Variants in FBXO10 observed in about 807,000 individuals in gnomAD.
The protein encoded by FBXO10 is F-box protein 10, also known as F-box only protein 10.
Under a neutral mutation model 80.7 loss-of-function variants are expected in FBXO10, and 39 were observed. That is an observed-to-expected ratio of 0.48 (90% CI 0.37 to 0.63). The LOEUF (loss-of-function observed/expected upper bound fraction) is 0.63. Ranked by LOEUF, FBXO10 falls within the 30% of genes least tolerant of loss-of-function variation. The pLI is 0.00. For synonymous variants in FBXO10, 449 were observed against 489.6 expected, an observed-to-expected ratio of 0.92 and a Z score of 1.09; for missense variants, 1,025 against 1,269.0, an observed-to-expected ratio of 0.81 and a Z score of 2.92.
chr9:37,567,468 T>A (rs1822638686), intron 1 of FBXO10, among the ~76,000 whole-genome samples: 1 of 152,088 alleles, frequency 6.6e-6, no homozygotes, highest in African/African-American at 2.4e-5. Flanking sequence ...TAATGAGCAC[T>A]TATAACAACC....
At position 37,518,426 on chromosome 9, in the gene FBXO10, T is replaced by TA. The variant is rs1338380390; in HGVS notation, c.2212dup (p.Tyr738LeufsTer50). Reference sequence around the variant, plus strand: ...ATGCAGTGCCTCGCTGCTCTGGACATAGAGTCCTGAGGCTATGGGTGGAAG... The same window carrying TA: ...ATGCAGTGCCTCGCTGCTCTGGACATAAGAGTCCTGAGGCTATGGGTGGAAG... On this transcript the variant is annotated frameshift_variant, in exon 9 of 11. Coordinates refer to ENST00000432825, the MANE Select transcript of FBXO10 (RefSeq NM_012166.3). LOFTEE classifies it high-confidence loss of function. 2.5e-6 allele frequency: 4 copies of TA among 1,599,118 alleles called. No individual in the cohort carries two copies. The highest frequency in any genetic ancestry group is 1.7e-4 in the Middle Eastern group (1 of 5,996).
intron 1 of FBXO10, among the ~76,000 whole-genome samples, chr9:37,552,300 G>T (rs908670011): frequency 1.3e-5 from 2 of 152,136 alleles, no homozygotes; most frequent in Admixed American, 1.3e-4. Context: ...ATTTGTTATA[G>T]CAACACCCCA....
At chr9:37,519,815 T>G (rs1821281184) in intron 8 of FBXO10, among the ~76,000 whole-genome samples, 1 of 152,094 alleles carries the variant, frequency 6.6e-6, no homozygotes, top group Admixed American at 6.5e-5. Context: ...CAGGAATCTC[T>G]TTTAATTTTA....
chr9:37,521,356 A>G lies in FBXO10; in HGVS notation c.2200+213T>C, dbSNP rs527247560. ...TCCCTGGCCCCCACACTGTCTGGGA[A>G]GTGAGGAGCGCCTCTGCCTGGCCGC... On this transcript the variant is annotated intron_variant, in intron 8 of 10. Transcript: ENST00000432825. 4.6e-5 allele frequency among the ~76,000 whole-genome samples: 7 copies of G among 152,328 alleles called. No individual in the cohort carries two copies. The East Asian group carries it at 1.4e-3, about 29-fold the overall frequency.
chr9:37,566,458 GGA>G (rs371426837), intron 1 of FBXO10, among the ~76,000 whole-genome samples: 2,743 of 37,902 alleles, frequency 0.072, 58 homozygotes, highest in Middle Eastern at 0.18. Flanking sequence ...ACTCTGTCTC[GGA>G]AAAAAAAAAA....
Position 37,511,255 on chromosome 9 carries a change from G to A in FBXO10, c.*1292C>T, listed in dbSNP as rs1821047155. The stretch of plus-strand genomic sequence containing the variant: ...GGGAGGGGATTGTTCAGGTTGAGCT[G>A]GCCCTGCATCCAGCCCTCTTCCTCA... On this transcript the variant is annotated 3_prime_UTR_variant, in exon 11 of 11. Coordinates refer to ENST00000432825, the MANE Select transcript of FBXO10 (RefSeq NM_012166.3). 1 of 152,856 alleles carries A rather than the reference G, an allele frequency of 6.5e-6. No individual in the cohort carries two copies. Among genetic ancestry groups the A allele is most frequent in the African/African-American group, 2.4e-5 (1 of 41,432 alleles). The allele number at this position is 152,856 out of a possible 1,614,324, so 9.5% of individuals were successfully genotyped here.
chr9:37,547,833 C>T (rs2119146813), intron 1 of FBXO10, among the ~76,000 whole-genome samples: 1 of 152,234 alleles, frequency 6.6e-6, no homozygotes, highest in Admixed American at 6.5e-5. Flanking sequence ...TGGTGTGCAC[C>T]TGTAGTCCAA....
At chr9:37,525,775 G>A (rs1821455426) in intron 5 of FBXO10, among the ~76,000 whole-genome samples, 4 of 152,120 alleles carry the variant, frequency 2.6e-5, no homozygotes, top group Admixed American at 2.6e-4. Flanking sequence ...CTGGCCTCAA[G>A]TGACCCATCC....
At chr9:37,564,549 T>G (rs4878700) in intron 1 of FBXO10, among the ~76,000 whole-genome samples, 8,912 of 152,172 alleles carry the variant, frequency 0.059, 334 homozygotes, top group South Asian at 0.17. Flanking sequence ...GCCACAGGGG[T>G]GGAGCTGCCC....
At position 37,516,067 on chromosome 9, in the gene FBXO10, G is replaced by A. The variant is rs1234420642; in HGVS notation, c.2533C>T (p.His845Tyr). ...GCGATGCCGTAGGCCCGGAACGAGT[G>A]GATCCGGTTCTTTATTACCTGGGAG... ...SDTKVIKNRI[H>Y]SFRAYGIAVR... The change falls in exon 10 of 11, where the codon CAC becomes TAC. Residue 845 changes from histidine (H) to tyrosine (Y), a missense_variant. Coordinates refer to ENST00000432825, the MANE Select transcript of FBXO10 (RefSeq NM_012166.3). The A allele has an allele frequency of 6.2e-7, 1 of 1,612,502 alleles. No homozygotes were observed. The highest frequency in any genetic ancestry group is 8.5e-7 in the Non-Finnish European group (1 of 1,179,470).
intron 1 of FBXO10, among the ~76,000 whole-genome samples, chr9:37,558,823 T>C (rs901172250): frequency 2.0e-5 from 3 of 152,032 alleles, no homozygotes; most frequent in Non-Finnish European, 4.4e-5. Flanking sequence ...CTTTTTTTTT[T>C]TTTTGAGATG....
At chr9:37,560,450 A>G (rs143851194) in intron 1 of FBXO10, among the ~76,000 whole-genome samples, 1 of 152,112 alleles carries the variant, frequency 6.6e-6, no homozygotes, top group African/African-American at 2.4e-5. Flanking sequence ...TTTTCCCCCA[A>G]ACTTGCCTGT....
In FBXO10 at chr9:37,521,657, C is replaced by A; in HGVS notation, c.2112G>T (p.Trp704Cys). ...NFSEDGDAILWETELEKEDDP... is the reference protein window; with the variant it reads ...NFSEDGDAILCETELEKEDDP... ...CGTCCTCCTTCTCCAGCTCTGTCTCCCAGAGGATGGCGTCCCCATCCTCGC... is the reference window on the plus strand; with the variant it reads ...CGTCCTCCTTCTCCAGCTCTGTCTCACAGAGGATGGCGTCCCCATCCTCGC... Residue 704 changes from tryptophan (W) to cysteine (C), a missense_variant, in exon 8 of 11, where the codon TGG becomes TGT. Around this residue, in one of 3 missense-constraint regions of FBXO10, gnomAD observed 478 missense variants for 667.8 expected, o/e 0.72. Coordinates refer to ENST00000432825, the MANE Select transcript of FBXO10 (RefSeq NM_012166.3). The A allele has an allele frequency of 6.2e-7, 1 of 1,613,934 alleles. No homozygotes were observed.
intron 1 of FBXO10, among the ~76,000 whole-genome samples, chr9:37,561,817 T>A (rs1822491922): frequency 6.6e-6 from 1 of 152,232 alleles, no homozygotes; most frequent in Non-Finnish European, 1.5e-5. Flanking sequence ...AAGGGGTATA[T>A]GTGCATGCAT....
At chr9:37,558,266 T>C (rs1394839610) in intron 1 of FBXO10, among the ~76,000 whole-genome samples, 1 of 152,220 alleles carries the variant, frequency 6.6e-6, no homozygotes, top group Non-Finnish European at 1.5e-5. Context: ...TTTGCAGGAC[T>C]TTCCATTAGG....
At chr9:37,517,252 G>T (rs748123406) in intron 9 of FBXO10, among the ~76,000 whole-genome samples, 1 of 152,072 alleles carries the variant, frequency 6.6e-6, no homozygotes, top group Non-Finnish European at 1.5e-5. Context: ...ACTATATATT[G>T]GGTACAGTGT....
chr9:37,525,053 C>G (rs2119074344), intron 6 of FBXO10, 49 bp downstream of exon 6: 2 of 1,511,672 alleles, frequency 1.3e-6, no homozygotes, highest in South Asian at 2.4e-5. Context: ...GGGGTGACGC[C>G]AGGGGACCTT....
At chr9:37,571,120 G>C (rs1055742719) in intron 1 of FBXO10, among the ~76,000 whole-genome samples, 2 of 152,078 alleles carry the variant, frequency 1.3e-5, no homozygotes, top group African/African-American at 4.8e-5. Context: ...AAGACATTGA[G>C]TCTGTGGTCA....
At chr9:37,554,507 C>T (rs1202702471) in intron 1 of FBXO10, among the ~76,000 whole-genome samples, 1 of 152,096 alleles carries the variant, frequency 6.6e-6, no homozygotes, top group Non-Finnish European at 1.5e-5. Flanking sequence ...CAATACAACC[C>T]CCTACCAAGA....
Sources: allele counts gnomAD v4.1 joint callset (sites outside exome capture counted in the v4.1 genomes callset), GRCh38; gene constraint gnomAD v4.1.1; regional missense constraint gnomAD v4.1.1; transcripts MANE v1.5; gene names NCBI Gene and HGNC (gene_info 2026-07-23, HGNC 2026-07-21).